Variants in ZIM2 observed in about 807,000 individuals in gnomAD.
ZIM2 encodes zinc finger protein 656.
ZIM2 carries 14 observed loss-of-function variants against 38.6 expected under a neutral mutation model. That is an observed-to-expected ratio of 0.36 (90% CI 0.24 to 0.57). The LOEUF is 0.57. Ranked by LOEUF, ZIM2 falls within the 20% of genes least tolerant of loss-of-function variation. ZIM2 has a pLI of 0.81. For missense variants in ZIM2, 680 were observed against 695.1 expected, an observed-to-expected ratio of 0.98 and a Z score of 0.24; for synonymous variants, 247 against 245.8, an observed-to-expected ratio of 1.00 and a Z score of -0.04.
chr19:56,797,608 C>T (rs887321305), intron 9 of ZIM2, among the ~76,000 whole-genome samples: 2 of 152,170 alleles, frequency 1.3e-5, no homozygotes, highest in Admixed American at 1.3e-4. Context: ...TTCTCCCCGT[C>T]TTAAAAGTAC....
At position 56,814,774 on chromosome 19, in the gene ZIM2, G is replaced by A. The variant is rs777391933; in HGVS notation, c.490+2972C>T. The A allele has an allele frequency of 1.1e-5, 18 of 1,613,974 alleles. No homozygotes were observed. In the Admixed American group the frequency reaches 1.5e-4, roughly 13 times the overall value. ...TCCACACAAAAGGCATCGAATGGCC[G>A]ACCCAGCAAGAGCAGGATTCCTCTC... On this transcript the variant is annotated intron_variant, in intron 9 of 12. Transcript: ENST00000629319. This position sits in a 1 kb window ranked among gnomAD's most constrained non-coding sequence, Gnocchi z 5.8.
chr19:56,781,690 T>C (rs2046340396), intron 11 of ZIM2, among the ~76,000 whole-genome samples: 2 of 152,082 alleles, frequency 1.3e-5, no homozygotes, highest in Non-Finnish European at 2.9e-5. Context: ...TACCTCCCCC[T>C]CACAGGCCTA....
intron 9 of ZIM2, among the ~76,000 whole-genome samples, chr19:56,797,384 A>C (rs1200876757): frequency 6.6e-6 from 1 of 152,202 alleles, no homozygotes; most frequent in Admixed American, 6.5e-5. Context: ...ATTTATTATT[A>C]TATTGATTTA....
chr19:56,786,691 C>T (rs1166081224), intron 10 of ZIM2, among the ~76,000 whole-genome samples: 3 of 152,086 alleles, frequency 2.0e-5, no homozygotes, highest in African/African-American at 4.8e-5. Context: ...ATTTGAATTT[C>T]ACTAAGTTTT....
chr19:56,777,743 T>C (rs2041683621), intron 12 of ZIM2, among the ~76,000 whole-genome samples: 3 of 152,234 alleles, frequency 2.0e-5, no homozygotes, highest in South Asian at 2.1e-4. Flanking sequence ...GTCTAGCATA[T>C]TGGACAGCAA....
rs530088703 is a variant in ZIM2, at chr19:56,814,363, T to G, written c.490+3383A>C. The G allele has an allele frequency of 1.2e-6, 2 of 1,613,658 alleles. No homozygotes were observed. The highest frequency in any genetic ancestry group is 3.3e-5 in the Admixed American group (2 of 59,976). On this transcript the variant is annotated intron_variant, in intron 9 of 12. Coordinates refer to ENST00000629319, the MANE Select transcript of ZIM2 (RefSeq NM_001387356.1). The surrounding 1 kb of genome is among the most constrained non-coding windows in gnomAD (Gnocchi z 5.8). ...TGCTGCAGCTGCTGCTGCTTCATCTTCTTCTTCTTCTTCCAGATGAAGCTC... is the reference window on the plus strand; with the variant it reads ...TGCTGCAGCTGCTGCTGCTTCATCTGCTTCTTCTTCTTCCAGATGAAGCTC...
rs2060202404 is a variant in ZIM2, at chr19:56,818,673, G to A, written c.324C>T (p.Asp108=). ...QDAESYQNVV[D]LAEDRKPHNT... is the part of the protein sequence containing the mutation. ...TGTGAGGTTTCCTGTCCTCAGCGAG[G>A]TCCACCACATTTTGGTATGATTCAG... Residue 108 remains aspartate, a synonymous_variant, in exon 8 of 13, where the codon GAC becomes GAT. Transcript: ENST00000629319. 1 of 1,613,992 alleles carries A rather than the reference G, an allele frequency of 6.2e-7. No homozygotes were observed. The highest frequency in any genetic ancestry group is 1.7e-5 in the Admixed American group (1 of 60,000).
At chr19:56,779,321 G>C in intron 12 of ZIM2, 56 bp downstream of exon 12, 1 of 1,585,064 alleles carries the variant, frequency 6.3e-7, no homozygotes, top group East Asian at 2.2e-5. Flanking sequence ...AAAGCTCTCT[G>C]ACTAGCATTT....
chr19:56,777,468 T>C (rs1471157764), intron 12 of ZIM2, among the ~76,000 whole-genome samples: 1 of 152,206 alleles, frequency 6.6e-6, no homozygotes, highest in Non-Finnish European at 1.5e-5. Flanking sequence ...TGGACTTCAA[T>C]GGCCTCTTGA....
At chr19:56,794,091 GA>G (rs1320950830) in intron 9 of ZIM2, among the ~76,000 whole-genome samples, 1 of 152,120 alleles carries the variant, frequency 6.6e-6, no homozygotes, top group African/African-American at 2.4e-5. Context: ...ATAGTTGTAG[GA>G]AAACATCTAG....
chr19:56,775,454 T>C lies in ZIM2; in HGVS notation c.911A>G (p.Asp304Gly), dbSNP rs759778939. The C allele has an allele frequency of 6.2e-7, 1 of 1,614,018 alleles. No homozygotes were observed. The highest frequency in any genetic ancestry group is 8.5e-7 in the Non-Finnish European group (1 of 1,180,012). The change falls in exon 13 of 13, where the codon GAC (aspartate) becomes GGC (glycine). Residue 304 changes from aspartate (D) to glycine (G), a missense_variant. Transcript: ENST00000629319. Reference sequence around the variant, plus strand: ...TCTTTCCGGAGTGAGGGTCTTGGGGTCATTCATTGTTATAGGAGTCAAAAG... The same window carrying C: ...TCTTTCCGGAGTGAGGGTCTTGGGGCCATTCATTGTTATAGGAGTCAAAAG... ...EKLLTPITMN[D>G]PKTLTPERSY...
chr19:56,824,853 T>G lies in ZIM2; in HGVS notation c.-150-426A>C, dbSNP rs939547502. 8.9e-6 allele frequency: 5 copies of G among 562,158 alleles called. No individual in the cohort carries two copies. In the East Asian group the frequency reaches 1.4e-4, roughly 16 times the overall value. The allele number at this position is 562,158 out of a possible 1,614,324, so 34.8% of individuals were successfully genotyped here. Reference sequence around the variant, plus strand: ...GCTTTTGGGATATGGGAGTCCCCAGTAAATAGGCAAACAACCGCACAAAGT... The same window carrying G: ...GCTTTTGGGATATGGGAGTCCCCAGGAAATAGGCAAACAACCGCACAAAGT... On this transcript the variant is annotated intron_variant, in intron 3 of 12. Transcript: ENST00000629319.
At chr19:56,836,767 G>A (rs572522205) in intron 1 of ZIM2, among the ~76,000 whole-genome samples, 5 of 152,164 alleles carry the variant, frequency 3.3e-5, no homozygotes, top group South Asian at 4.2e-4. Flanking sequence ...TCAGGAGTTC[G>A]AGACCACCCT....
At chr19:56,821,281 T>C (rs116406221) in intron 7 of ZIM2, among the ~76,000 whole-genome samples, 1 of 152,180 alleles carries the variant, frequency 6.6e-6, no homozygotes, top group Non-Finnish European at 1.5e-5. Context: ...TCCAGAGCCT[T>C]TGTGCTCCCT....
chr19:56,814,550 C>T lies in ZIM2; in HGVS notation c.490+3196G>A, dbSNP rs775133507. ...TTCTTATGAACAGTTACGTGATCTG[C>T]AAGTTCTGCTGGGTTGACGAAAGAT... On this transcript the variant is annotated intron_variant, in intron 9 of 12. Transcript: ENST00000629319. The surrounding 1 kb of genome is among the most constrained non-coding windows in gnomAD (Gnocchi z 5.8). 6.2e-7 allele frequency: 1 copy of T among 1,613,694 alleles called. No individual in the cohort carries two copies. Among genetic ancestry groups the T allele is most frequent in the Non-Finnish European group, 8.5e-7 (1 of 1,179,786 alleles).
At chr19:56,816,024 G>A in intron 9 of ZIM2, 1 of 1,593,384 alleles carries the variant, frequency 6.3e-7, no homozygotes, top group African/African-American at 1.3e-5. Flanking sequence ...AGCTCTGAAT[G>A]GTAGACTCTG....
intron 7 of ZIM2, among the ~76,000 whole-genome samples, chr19:56,821,232 A>C (rs1366332825): frequency 1.3e-5 from 2 of 152,230 alleles, no homozygotes; most frequent in African/African-American, 4.8e-5. Flanking sequence ...CACAGCTAGC[A>C]AGTGGCAGAG....
intron 9 of ZIM2, chr19:56,811,720 C>T (rs1600852641): frequency 3.0e-6 from 3 of 985,576 alleles, no homozygotes; most frequent in Middle Eastern, 5.2e-4. Flanking sequence ...TCAGCTTTCC[C>T]GATGTCCGTT....
intron 2 of ZIM2, among the ~76,000 whole-genome samples, chr19:56,834,335 G>A (rs1449822531): frequency 6.6e-6 from 1 of 152,114 alleles, no homozygotes; most frequent in Non-Finnish European, 1.5e-5. Flanking sequence ...GTTTCACTGT[G>A]ACAACATGGC....
Sources: gnomAD v4.1 joint callset for allele counts (sites outside exome capture counted in the v4.1 genomes callset) on GRCh38, gnomAD v4.1.1 for gene constraint, Gnocchi (gnomAD v3.1) non-coding constraint, MANE v1.5 for transcripts, NCBI Gene and HGNC (gene_info 2026-07-23, HGNC 2026-07-21) for gene names.